The following PRMT1 variants were observed in gnomAD, a reference collection of about 807,000 sequenced individuals.
PRMT1 encodes protein arginine methyltransferase 1, also known as protein arginine N-methyltransferase 1.
A neutral mutation model predicts 47.4 loss-of-function variants in PRMT1; 5 were observed. That is an observed-to-expected ratio of 0.11 (90% CI 0.06 to 0.22). The LOEUF (loss-of-function observed/expected upper bound fraction) is 0.22, where lower values mean the gene tolerates loss of function less well. Among genes scored for constraint, PRMT1 ranks in the 10% least tolerant of loss-of-function variants. The pLI is 1.00. For synonymous variants in PRMT1, 227 were observed against 204.6 expected (o/e 1.11, Z -0.94); for missense variants, 249 against 518.4 (o/e 0.48, Z 5.05).
rs1032562466 is a variant in PRMT1 at position 49,677,881 on chromosome 19, G to A, written c.36+565G>A. ...GGGCATCTGTTGGGATATCGGACCC[G>A]GTTTTGTGCGTTCTGGGTTAGGGAC... On this transcript the variant is annotated intron_variant, in intron 1 of 10. Transcript: ENST00000454376. Among the ~76,000 whole-genome samples the A allele has an allele frequency of 1.7e-4, 26 of 152,002 alleles. No individual in the cohort carries two copies. In the East Asian group the frequency reaches 4.5e-3, roughly 26 times the overall value.
intron 5 of PRMT1, 73 bp from the exon 6 acceptor site, chr19:49,683,854 C>G (rs3816047): frequency 0.17 from 260,095 of 1,550,862 alleles, 23,478 homozygotes; most frequent in South Asian, 0.24. Context: ...TCCCCAGGCT[C>G]TAGCCCCCGG....
At position 49,684,733 on chromosome 19, in the gene PRMT1, C is replaced by T; in HGVS notation, c.556-21C>T. The T allele has an allele frequency of 1.3e-6, 2 of 1,549,270 alleles. No homozygotes were observed. Among genetic ancestry groups the T allele is most frequent in the Non-Finnish European group, 1.7e-6 (2 of 1,146,318 alleles). On this transcript the variant is annotated intron_variant, in intron 6 of 10. Coordinates refer to ENST00000454376, the MANE Select transcript of PRMT1 (RefSeq NM_001536.6). The surrounding 1 kb of genome is among the most constrained non-coding windows in gnomAD (Gnocchi z 6.2). ...GTGTTGCCAGGCCCCACCCTTCATG[C>T]CTCGCCCTGCCCCTCTGTAGGCGCC...
chr19:49,688,048 G>C lies in PRMT1; in HGVS notation c.1033-114G>C, dbSNP rs912683201. The C allele has an allele frequency of 4.2e-6, 4 of 951,166 alleles. No individual in the cohort carries two copies. Among genetic ancestry groups the C allele is most frequent in the Non-Finnish European group, 6.9e-6 (4 of 581,412 alleles). The allele number at this position is 951,166 out of a possible 1,614,324, so 58.9% of individuals were successfully genotyped here. On this transcript the variant is annotated intron_variant, in intron 10 of 10. Transcript: ENST00000454376. The surrounding 1 kb of genome is among the most constrained non-coding windows in gnomAD (Gnocchi z 5.3). ...GGGACCAGCAGTTGGGGTCTGCAGCGTGGAGATGGGCAGGAAGCTGGAGCC... is the reference window on the plus strand; with the variant it reads ...GGGACCAGCAGTTGGGGTCTGCAGCCTGGAGATGGGCAGGAAGCTGGAGCC...
Position 49,680,706 on chromosome 19 carries a change from G to A in PRMT1, c.192+118G>A. 4.8e-6 allele frequency: 4 copies of A among 830,076 alleles called. No homozygotes were observed. Among genetic ancestry groups the A allele is most frequent in the African/African-American group, 1.7e-5 (1 of 59,570 alleles). 51.4% of individuals were successfully genotyped at this position (830,076 alleles called of 1,614,324 possible). On this transcript the variant is annotated intron_variant, in intron 3 of 10. Coordinates refer to ENST00000454376, the MANE Select transcript of PRMT1 (RefSeq NM_001536.6). The surrounding 1 kb of genome is among the most constrained non-coding windows in gnomAD (Gnocchi z 4.2). ...TCCCCTGGCCGCAGGCCGCCCCCCTGCCCCTCTGCTGCGCACTTCCTAGGG... is the reference window on the plus strand; with the variant it reads ...TCCCCTGGCCGCAGGCCGCCCCCCTACCCCTCTGCTGCGCACTTCCTAGGG...
In PRMT1 at chr19:49,684,648, G is replaced by T; in HGVS notation, c.556-106G>T. The T allele has an allele frequency of 7.7e-7, 1 of 1,290,772 alleles. No homozygotes were observed. Among genetic ancestry groups the T allele is most frequent in the South Asian group, 1.3e-5 (1 of 77,368 alleles). 80.0% of individuals were successfully genotyped at this position (1,290,772 alleles called of 1,614,324 possible). A position where few individuals can be genotyped will look rare whatever the true frequency, so the allele number is the denominator to read the frequency against. ...GGGGGCGAGGGGTGAGTGCCGCTGCGACATGAGGGTGGCCCAGACCAGGGC... is the reference window on the plus strand; with the variant it reads ...GGGGGCGAGGGGTGAGTGCCGCTGCTACATGAGGGTGGCCCAGACCAGGGC... On this transcript the variant is annotated intron_variant, in intron 6 of 10. Coordinates refer to ENST00000454376, the MANE Select transcript of PRMT1 (RefSeq NM_001536.6). The surrounding 1 kb of genome is among the most constrained non-coding windows in gnomAD (Gnocchi z 6.2).
chr19:49,680,927 T>G lies in PRMT1; in HGVS notation c.192+339T>G, dbSNP rs1044450638. On this transcript the variant is annotated intron_variant, in intron 3 of 10. Transcript: ENST00000454376. The surrounding 1 kb of genome is among the most constrained non-coding windows in gnomAD (Gnocchi z 4.2). ...CCCGGCTGCTCCCGCCCTAACAGCT[T>G]CTGCACACTTCAGATCTGACTGAAG... 2.0e-5 allele frequency among the ~76,000 whole-genome samples: 3 copies of G among 152,248 alleles called. No individual in the cohort carries two copies. The highest frequency in any genetic ancestry group is 7.2e-5 in the African/African-American group (3 of 41,474).
chr19:49,683,661 C>G (rs1599945967), intron 5 of PRMT1: 4 of 354,604 alleles, frequency 1.1e-5, no homozygotes, highest in Non-Finnish European at 2.1e-5. Context: ...GCACTCCAGC[C>G]TGGGTGACAG....
chr19:49,677,220 C>G, upstream of PRMT1: 1 of 1,386,028 alleles, frequency 7.2e-7, no homozygotes, highest in Non-Finnish European at 9.4e-7. Flanking sequence ...AAGGCGGTCC[C>G]GGGGGAGTGA....
intron 10 of PRMT1, 138 bp downstream of exon 10, chr19:49,686,864 C>A (rs1378598361): frequency 1.4e-5 from 8 of 555,186 alleles, no homozygotes; most frequent in Middle Eastern, 5.9e-4. Flanking sequence ...GGGCAGCTGG[C>A]GGGGGCGAGC....
chr19:49,680,679 C>A lies in PRMT1; in HGVS notation c.192+91C>A. 9.5e-7 allele frequency: 1 copy of A among 1,053,756 alleles called. No individual in the cohort carries two copies. The highest frequency in any genetic ancestry group is 1.4e-6 in the Non-Finnish European group (1 of 697,518). The allele number at this position is 1,053,756 out of a possible 1,614,324, so 65.3% of individuals were successfully genotyped here. ...CCTGTTTTCCCACGCATGCGCACTG[C>A]TTCCCCTGGCCGCAGGCCGCCCCCC... is the stretch of plus-strand genomic sequence containing the variant. On this transcript the variant is annotated intron_variant, in intron 3 of 10. Transcript: ENST00000454376. The surrounding 1 kb of genome is among the most constrained non-coding windows in gnomAD (Gnocchi z 4.2).
rs545920936 is a variant in PRMT1, at chr19:49,687,910, A to G, written c.1033-252A>G. ...TTGCTGATGGGAATCATCCTGATGG[A>G]GAAATCCAAGGGCAAGGGACAGCAG... is the stretch of plus-strand genomic sequence containing the variant. On this transcript the variant is annotated intron_variant, in intron 10 of 10. Coordinates refer to ENST00000454376, the MANE Select transcript of PRMT1 (RefSeq NM_001536.6). 1.6e-5 allele frequency: 9 copies of G among 576,590 alleles called. No homozygotes were observed. In the East Asian group the frequency reaches 2.5e-4, roughly 16 times the overall value. The allele number at this position is 576,590 out of a possible 1,614,324, so 35.7% of individuals were successfully genotyped here. A position where few individuals can be genotyped will look rare whatever the true frequency, so the allele number is the denominator to read the frequency against.
In PRMT1 at chr19:49,683,821, C is replaced by T. The variant is rs557981565; in HGVS notation, c.413-106C>T. On this transcript the variant is annotated intron_variant, in intron 5 of 10. Coordinates refer to ENST00000454376, the MANE Select transcript of PRMT1 (RefSeq NM_001536.6). ...GAAGGGTTCATGGCTTCTGCTCACGCAGTTCTCTGAACTGAAGTGGGGTCC... is the reference window on the plus strand; with the variant it reads ...GAAGGGTTCATGGCTTCTGCTCACGTAGTTCTCTGAACTGAAGTGGGGTCC... 140 of 1,265,668 alleles carry T rather than the reference C, an allele frequency of 1.1e-4. No individual in the cohort carries two copies. In the African/African-American group the frequency reaches 1.7e-3, roughly 15 times the overall value. The allele number at this position is 1,265,668 out of a possible 1,614,324, so 78.4% of individuals were successfully genotyped here. A position where few individuals can be genotyped will look rare whatever the true frequency, so the allele number is the denominator to read the frequency against.
chr19:49,680,503 C>G lies in PRMT1; in HGVS notation c.107C>G (p.Ala36Gly). Residue 36 changes from alanine (A) to glycine (G), a missense_variant, in exon 3 of 11, where the codon GCG becomes GGG. Ala to Gly is a moderately conservative substitution (Grantham distance 60, BLOSUM62 0). Transcript: ENST00000454376. The surrounding 1 kb of genome is among the most constrained non-coding windows in gnomAD (Gnocchi z 4.2). ...CCCTCCCAGGTGTCCTGTGGCCAGG[C>G]GGAAAGCAGTGAGAAGCCCAACGCT... ...PPLEEVSCGQ[A>G]ESSEKPNAED... 1.2e-6 allele frequency: 2 copies of G among 1,613,902 alleles called. No individual in the cohort carries two copies. Among genetic ancestry groups the G allele is most frequent in the Non-Finnish European group, 1.7e-6 (2 of 1,179,888 alleles).
chr19:49,682,065 G>C lies in PRMT1; in HGVS notation c.348G>C (p.Gly116=). 1 of 1,614,128 alleles carries C rather than the reference G, an allele frequency of 6.2e-7. No homozygotes were observed. Among genetic ancestry groups the C allele is most frequent in the Non-Finnish European group, 8.5e-7 (1 of 1,180,018 alleles). The change falls in exon 4 of 11, where the codon GGG becomes GGC. Residue 116 remains glycine, a splice_region_variant and synonymous_variant. Coordinates refer to ENST00000454376, the MANE Select transcript of PRMT1 (RefSeq NM_001536.6). ...AGGCCGGGGCCCGCAAGGTCATCGGGGTGAGTCTCCAGGGTGGCCAGGCGG... is the reference window on the plus strand; with the variant it reads ...AGGCCGGGGCCCGCAAGGTCATCGGCGTGAGTCTCCAGGGTGGCCAGGCGG... The part of the protein sequence containing the change: ...AAKAGARKVI[G]IECSSISDYA...
chr19:49,688,002 G>A lies in PRMT1; in HGVS notation c.1033-160G>A. 1 of 701,070 alleles carries A rather than the reference G, an allele frequency of 1.4e-6. No homozygotes were observed. The highest frequency in any genetic ancestry group is 2.6e-5 in the East Asian group (1 of 37,754). The allele number at this position is 701,070 out of a possible 1,614,324, so 43.4% of individuals were successfully genotyped here. A position where few individuals can be genotyped will look rare whatever the true frequency, so the allele number is the denominator to read the frequency against. ...TCCATGTGGTGCTGTCCCTTGGCAG[G>A]GTCAGGGCAGCTGCTAGGGTGGGAC... On this transcript the variant is annotated intron_variant, in intron 10 of 10. Transcript: ENST00000454376. This position sits in a 1 kb window ranked among gnomAD's most constrained non-coding sequence, Gnocchi z 5.3.
rs2082189285 is a variant in PRMT1 at position 49,685,346 on chromosome 19, C to T, written c.759+309C>T. 46 of 1,297,322 alleles carry T rather than the reference C, an allele frequency of 3.5e-5. No homozygotes were observed. The South Asian group carries it at 6.9e-4, about 19-fold the overall frequency. 80.4% of individuals were successfully genotyped at this position (1,297,322 alleles called of 1,614,324 possible). On this transcript the variant is annotated intron_variant, in intron 8 of 10. Coordinates refer to ENST00000454376, the MANE Select transcript of PRMT1 (RefSeq NM_001536.6). This position sits in a 1 kb window ranked among gnomAD's most constrained non-coding sequence, Gnocchi z 4.7. ...CCAGGGCGATGAGCGGATGCACATG[C>T]ACGCGGGCCACTGCAGAAGAGCACG...
At position 49,686,581 on chromosome 19, in the gene PRMT1, CG is replaced by C. The variant is rs764712552; in HGVS notation, c.911-22del. ...GTTGGGGGGGGCAGCAGGCCGAGGCCGGCTGACCCGCCCGCGCCCCCAGGCC... is the reference window on the plus strand; with the variant it reads ...GTTGGGGGGGGCAGCAGGCCGAGGCCGCTGACCCGCCCGCGCCCCCAGGCC... On this transcript the variant is annotated intron_variant, in intron 9 of 10. Coordinates refer to ENST00000454376, the MANE Select transcript of PRMT1 (RefSeq NM_001536.6). 6 of 1,600,052 alleles carry C rather than the reference CG, an allele frequency of 3.7e-6. No homozygotes were observed. In the African/African-American group the frequency reaches 4.0e-5, roughly 11 times the overall value.
Position 49,680,596 on chromosome 19 carries a change from G to A in PRMT1, c.192+8G>A, listed in dbSNP as rs753676663. 5.6e-6 allele frequency: 9 copies of A among 1,601,566 alleles called. No individual in the cohort carries two copies. The highest frequency in any genetic ancestry group is 6.8e-6 in the Non-Finnish European group (8 of 1,168,714). ...CACTTTGGCATCCACGAGGTCAGTG[G>A]GGACAGTCCCCAAGGCCCCAATCTT... On this transcript the variant is annotated splice_region_variant and intron_variant, in intron 3 of 10. Coordinates refer to ENST00000454376, the MANE Select transcript of PRMT1 (RefSeq NM_001536.6). The surrounding 1 kb of genome is among the most constrained non-coding windows in gnomAD (Gnocchi z 4.2).
At chr19:49,677,200 C>T (rs772472333), upstream of PRMT1, 59 of 1,312,930 alleles carry the variant, frequency 4.5e-5, no homozygotes, top group Admixed American at 6.1e-5. Flanking sequence ...GGCCGTGGAC[C>T]CTCTGGTATA....
Sources: allele counts gnomAD v4.1 joint callset (sites outside exome capture counted in the v4.1 genomes callset), GRCh38; gene constraint gnomAD v4.1.1; non-coding constraint Gnocchi (gnomAD v3.1); transcripts MANE v1.5; gene names NCBI Gene and HGNC (gene_info 2026-07-23, HGNC 2026-07-21).